PIBF1: variants seen among roughly 807,000 people sequenced by gnomAD.
PIBF1 encodes progesterone-induced-blocking factor 1.
In PIBF1, 90 loss-of-function variants were observed where a neutral mutation model predicts 112.5. That is an observed-to-expected ratio of 0.80 (90% CI 0.67 to 0.95). The LOEUF is 0.95. Among genes scored for constraint, PIBF1 ranks in the 40% least tolerant of loss-of-function variants. PIBF1 has a pLI of 0.00. For synonymous variants in PIBF1, 301 were observed against 288.6 expected, an observed-to-expected ratio of 1.04 and a Z score of -0.44; for missense variants, 915 against 852.3, an observed-to-expected ratio of 1.07 and a Z score of -0.92.
At chr13:72,975,367 A>G (rs2042995246) in intron 16 of PIBF1, among the ~76,000 whole-genome samples, 1 of 152,176 alleles carries the variant, frequency 6.6e-6, no homozygotes, top group Non-Finnish European at 1.5e-5. Context: ...AAAACAAAAC[A>G]TTTAAAACAT....
At chr13:72,898,880 A>G (rs1254698494) in intron 11 of PIBF1, among the ~76,000 whole-genome samples, 1 of 151,718 alleles carries the variant, frequency 6.6e-6, no homozygotes, top group Non-Finnish European at 1.5e-5. Context: ...ATAGACCATT[A>G]ACAAGATTAA....
intron 3 of PIBF1, 22 bp downstream of exon 3, chr13:72,792,569 A>G (rs1260915122): frequency 8.1e-7 from 1 of 1,227,834 alleles, no homozygotes. Context: ...TTTTTTTAAA[A>G]AAAAAACAAC....
intron 10 of PIBF1, among the ~76,000 whole-genome samples, chr13:72,861,121 G>A (rs1164397814): frequency 6.6e-6 from 1 of 151,898 alleles, no homozygotes; most frequent in Non-Finnish European, 1.5e-5. Context: ...TTTCAGTTAT[G>A]GTTTGTTTTA....
At chr13:72,996,889 C>T (rs1277721296) in intron 16 of PIBF1, among the ~76,000 whole-genome samples, 1 of 152,118 alleles carries the variant, frequency 6.6e-6, no homozygotes, top group Non-Finnish European at 1.5e-5. Context: ...TTTGGGTACC[C>T]ACTGTAGCTG....
intron 15 of PIBF1, chr13:72,970,724 TATGAAATATGTCTTATGAAG>T (rs2042865814): frequency 6.6e-6 from 1 of 152,176 alleles, no homozygotes; most frequent in South Asian, 2.1e-4. Flanking sequence ...TTTCCACTGT[TATGAAATATGTCTTATGAAG>T]ACTAAAATTC....
chr13:72,797,985 G>C lies in PIBF1; in HGVS notation c.631G>C (p.Glu211Gln). The change falls in exon 5 of 18, where the codon GAA becomes CAA. Residue 211 changes from glutamate to glutamine, a missense_variant. Transcript: ENST00000326291. The part of the protein sequence containing the change: ...LQVKKNILAE[E>Q]LSTNKNQLKQ... ...AGTGAAAAAGAATATCCTAGCAGAA[G>C]AATTAAGTACAAACAAAAACCAACT... The C allele has an allele frequency of 1.2e-6, 2 of 1,608,618 alleles. No individual in the cohort carries two copies. The highest frequency in any genetic ancestry group is 1.7e-6 in the Non-Finnish European group (2 of 1,177,736).
chr13:72,891,105 T>C (rs1169009726), intron 10 of PIBF1, among the ~76,000 whole-genome samples: 1 of 152,176 alleles, frequency 6.6e-6, no homozygotes, highest in Non-Finnish European at 1.5e-5. Context: ...TATTGTTTAC[T>C]GTTTAACTTT....
intron 17 of PIBF1, 111 bp downstream of exon 17, chr13:72,999,106 GT>G: frequency 1.5e-6 from 1 of 670,662 alleles, no homozygotes; most frequent in East Asian, 2.8e-5. Context: ...CCACAAATAT[GT>G]TTCATGAAAA....
chr13:72,922,249 A>C (rs1327138598), intron 13 of PIBF1, among the ~76,000 whole-genome samples: 2 of 152,156 alleles, frequency 1.3e-5, no homozygotes, highest in African/African-American at 4.8e-5. Context: ...AAGTCCTGGA[A>C]TTATAGGCAT....
intron 3 of PIBF1, among the ~76,000 whole-genome samples, chr13:72,793,458 G>A (rs1157596757): frequency 2.0e-5 from 3 of 152,180 alleles, no homozygotes; most frequent in Non-Finnish European, 4.4e-5. Flanking sequence ...CACCCTCAGA[G>A]TTTCTGACTT....
intron 17 of PIBF1, among the ~76,000 whole-genome samples, chr13:73,015,293 A>G (rs1172192240): frequency 1.3e-5 from 2 of 152,214 alleles, no homozygotes; most frequent in African/African-American, 4.8e-5. Flanking sequence ...CGCCCAGCCA[A>G]AATAGGAACT....
Position 72,783,682 on chromosome 13 carries a change from T to G in PIBF1, c.213T>G (p.Thr71=). 1.2e-6 allele frequency: 2 copies of G among 1,613,992 alleles called. No homozygotes were observed. Among genetic ancestry groups the G allele is most frequent in the Non-Finnish European group, 1.7e-6 (2 of 1,179,894 alleles). The part of the protein sequence containing the change: ...QLLKIELSQK[T]MMIDNLKVDY... ...TAAAAATTGAGCTATCCCAGAAAAC[T>G]ATGATGATCGACAATTTGAAAGTGG... is the stretch of plus-strand genomic sequence containing the variant. The change falls in exon 2 of 18, where the codon ACT becomes ACG. Residue 71 remains threonine (T), a synonymous_variant. Coordinates refer to ENST00000326291, the MANE Select transcript of PIBF1 (RefSeq NM_006346.4).
chr13:72,808,779 A>G (rs1403029008), intron 5 of PIBF1, among the ~76,000 whole-genome samples: 1 of 152,128 alleles, frequency 6.6e-6, no homozygotes, highest in Non-Finnish European at 1.5e-5. Context: ...TTTCTCATGC[A>G]CCTTGATCCA....
At chr13:72,838,811 GT>G (rs1451266465) in intron 9 of PIBF1, among the ~76,000 whole-genome samples, 2 of 152,162 alleles carry the variant, frequency 1.3e-5, no homozygotes, top group African/African-American at 4.8e-5. Context: ...GCCATATTTA[GT>G]TTGCATTAAC....
chr13:72,938,121 A>G (rs2041920166), intron 14 of PIBF1, among the ~76,000 whole-genome samples: 1 of 152,214 alleles, frequency 6.6e-6, no homozygotes, highest in South Asian at 2.1e-4. Context: ...GTTAAAATGC[A>G]ATTCTCACAG....
intron 12 of PIBF1, 125 bp from the exon 13 acceptor site, chr13:72,916,951 A>T (rs554420618): frequency 6.0e-6 from 3 of 501,220 alleles, no homozygotes; most frequent in Non-Finnish European, 1.1e-5. Flanking sequence ...TTAAGATTAC[A>T]TATTAGCCCT....
chr13:72,856,331 A>G (rs986308012), intron 10 of PIBF1, among the ~76,000 whole-genome samples: 1 of 152,196 alleles, frequency 6.6e-6, no homozygotes, highest in Non-Finnish European at 1.5e-5. Flanking sequence ...CTAAAATTTT[A>G]GATAAACTGG....
intron 13 of PIBF1, among the ~76,000 whole-genome samples, chr13:72,921,218 T>G (rs1458200368): frequency 1.3e-5 from 2 of 152,144 alleles, no homozygotes; most frequent in African/African-American, 2.4e-5. Context: ...TTCTCCTGCC[T>G]CAGCCTCCCA....
intron 14 of PIBF1, among the ~76,000 whole-genome samples, chr13:72,963,132 A>G (rs938636971): frequency 2.6e-5 from 4 of 152,182 alleles, no homozygotes; most frequent in Non-Finnish European, 4.4e-5. Context: ...TCAAAAGCTA[A>G]CTCAGACTGG....
Sources: allele counts gnomAD v4.1 joint callset (sites outside exome capture counted in the v4.1 genomes callset), GRCh38; gene constraint gnomAD v4.1.1; transcripts MANE v1.5; gene names NCBI Gene and HGNC (gene_info 2026-07-23, HGNC 2026-07-21).